Variants in DLC1 observed in about 807,000 individuals in gnomAD.
DLC1 encodes rho GTPase-activating protein 7.
A neutral mutation model predicts 140.3 loss-of-function variants in DLC1; 54 were observed. The observed-to-expected ratio is 0.38, with a 90% confidence interval of 0.31 to 0.48. DLC1 has a LOEUF of 0.48. DLC1 is among the 20% of genes least tolerant of loss of function. The pLI is 0.96. For missense variants in DLC1, 2,536 were observed against 1,907.0 expected, an observed-to-expected ratio of 1.33 and a Z score of -6.14; for synonymous variants, 986 against 728.1, an observed-to-expected ratio of 1.35 and a Z score of -5.70.
intron 4 of DLC1, among the ~76,000 whole-genome samples, chr8:13,380,096 C>T: frequency 6.6e-6 from 1 of 152,120 alleles, no homozygotes; most frequent in East Asian, 1.9e-4. Context: ...TCCTCACCAC[C>T]ACTCCCATAA....
intron 5 of DLC1, among the ~76,000 whole-genome samples, chr8:13,242,024 A>T (rs1829565478): frequency 6.6e-6 from 1 of 152,178 alleles, no homozygotes. Context: ...AGGATTATCT[A>T]ACTCAGTGGT....
At position 13,099,840 on chromosome 8, in the gene DLC1, T is replaced by C; in HGVS notation, c.2497A>G (p.Asn833Asp). The part of the protein sequence containing the change: ...TNGSFSPSGN[N>D]GSVNWRTGSF... ...CCCGTCCTCCAGTTCACAGAGCCGT[T>C]ATTCCCCGAGGGGGAGAAACTGCCA... is the stretch of plus-strand genomic sequence containing the variant. The change falls in exon 9 of 18, where the codon AAC becomes GAC. Residue 833 changes from asparagine (N) to aspartate (D), a missense_variant. Coordinates refer to ENST00000276297, the MANE Select transcript of DLC1 (RefSeq NM_182643.3). 2 of 1,614,166 alleles carry C rather than the reference T, an allele frequency of 1.2e-6. No homozygotes were observed. Among genetic ancestry groups the C allele is most frequent in the African/African-American group, 1.3e-5 (1 of 75,044 alleles).
chr8:13,230,855 C>A (rs1250306815), intron 5 of DLC1, among the ~76,000 whole-genome samples: 1 of 152,064 alleles, frequency 6.6e-6, no homozygotes, highest in African/African-American at 2.4e-5. Flanking sequence ...CCTCGGCCTC[C>A]CAAAGTGCTG....
At chr8:13,595,877 C>G (rs553682725) in intron 1 of DLC1, among the ~76,000 whole-genome samples, 2 of 151,988 alleles carry the variant, frequency 1.3e-5, no homozygotes, top group South Asian at 4.2e-4. Flanking sequence ...TTGTAGGCAG[C>G]CTATGATAAT....
chr8:13,236,141 G>T (rs1158372388), intron 5 of DLC1, among the ~76,000 whole-genome samples: 2 of 151,958 alleles, frequency 1.3e-5, no homozygotes, highest in East Asian at 1.9e-4. Flanking sequence ...AATACTGAAG[G>T]TAGAATCTAT....
intron 5 of DLC1, among the ~76,000 whole-genome samples, chr8:13,181,898 C>T (rs534245965): frequency 8.5e-5 from 13 of 152,196 alleles, no homozygotes; most frequent in African/African-American, 2.4e-4. Context: ...TCTAGATCCT[C>T]GAGGAATCAC....
intron 5 of DLC1, among the ~76,000 whole-genome samples, chr8:13,207,879 T>G (rs1827750404): frequency 6.6e-6 from 1 of 152,184 alleles, no homozygotes; most frequent in Non-Finnish European, 1.5e-5. Context: ...CTTTAGTGAT[T>G]ATGATATACA....
intron 4 of DLC1, among the ~76,000 whole-genome samples, chr8:13,356,579 A>C (rs1834952922): frequency 6.6e-6 from 1 of 152,208 alleles, no homozygotes; most frequent in Admixed American, 6.5e-5. Context: ...GAATTTTTCC[A>C]AATGATTGCA....
At chr8:13,532,337 T>C (rs143465585) in intron 1 of DLC1, among the ~76,000 whole-genome samples, 1 of 152,338 alleles carries the variant, frequency 6.6e-6, no homozygotes, top group African/African-American at 2.4e-5. Flanking sequence ...TTCTTTTACC[T>C]GTCTCTTCCT....
At chr8:13,125,336 A>G (rs997819377) in intron 5 of DLC1, among the ~76,000 whole-genome samples, 1 of 152,202 alleles carries the variant, frequency 6.6e-6, no homozygotes, top group African/African-American at 2.4e-5. Flanking sequence ...TATTCATATC[A>G]TAGACAACAC....
intron 4 of DLC1, among the ~76,000 whole-genome samples, chr8:13,316,482 A>T (rs1032883299): frequency 6.6e-6 from 1 of 152,102 alleles, no homozygotes; most frequent in Non-Finnish European, 1.5e-5. Flanking sequence ...AAAGTGTCCC[A>T]GTCTGGATGA....
At chr8:13,304,513 G>A (rs1832336919) in intron 5 of DLC1, 1 of 303,484 alleles carries the variant, frequency 3.3e-6, no homozygotes, top group Non-Finnish European at 4.8e-6. Context: ...TAGTGTAAAG[G>A]CACTTGAAAT....
intron 5 of DLC1, among the ~76,000 whole-genome samples, chr8:13,155,489 A>T (rs1364028046): frequency 2.6e-5 from 4 of 152,060 alleles, no homozygotes; most frequent in African/African-American, 4.8e-5. Context: ...TATTTTTTTA[A>T]AAAAACATGT....
At chr8:13,196,807 TC>T (rs1827087179) in intron 5 of DLC1, among the ~76,000 whole-genome samples, 1 of 152,210 alleles carries the variant, frequency 6.6e-6, no homozygotes, top group Admixed American at 6.5e-5. Flanking sequence ...TCAATTATAA[TC>T]ATGGCTTCAA....
Position 13,084,088 on chromosome 8 carries a change from A to C in DLC1, c.*1723T>G, listed in dbSNP as rs1262490690. 2 of 152,640 alleles carry C rather than the reference A, an allele frequency of 1.3e-5. No individual in the cohort carries two copies. The highest frequency in any genetic ancestry group is 6.5e-5 in the Admixed American group (1 of 15,288). 9.5% of individuals were successfully genotyped at this position (152,640 alleles called of 1,614,324 possible). A position where few individuals can be genotyped will look rare whatever the true frequency, so the allele number is the denominator to read the frequency against. On this transcript the variant is annotated 3_prime_UTR_variant, in exon 18 of 18. Coordinates refer to ENST00000276297, the MANE Select transcript of DLC1 (RefSeq NM_182643.3). The stretch of plus-strand genomic sequence containing the variant: ...AGCCTTGAGGTACAAAACCCAAAAG[A>C]ATATCTGAGGTATAAATACAAGTAT...
intron 5 of DLC1, among the ~76,000 whole-genome samples, chr8:13,208,747 C>G (rs1440861190): frequency 3.1e-5 from 1 of 32,204 alleles, no homozygotes; most frequent in Non-Finnish European, 4.8e-5. Flanking sequence ...TACACACAGA[C>G]ACACACACAC....
intron 1 of DLC1, among the ~76,000 whole-genome samples, chr8:13,513,454 T>C (rs964329310): frequency 2.0e-5 from 3 of 152,246 alleles, no homozygotes; most frequent in African/African-American, 7.2e-5. Context: ...GATGGTCACC[T>C]TGTACTATAT....
At chr8:13,486,698 T>C (rs1403943219) in intron 2 of DLC1, among the ~76,000 whole-genome samples, 1 of 148,152 alleles carries the variant, frequency 6.7e-6, no homozygotes, top group Non-Finnish European at 1.5e-5. Context: ...TTCTGGGTGT[T>C]TCATCCATAT....
At chr8:13,175,677 C>G (rs1249088386) in intron 5 of DLC1, among the ~76,000 whole-genome samples, 2 of 152,170 alleles carry the variant, frequency 1.3e-5, no homozygotes, top group Non-Finnish European at 2.9e-5. Context: ...ATACAATTAA[C>G]TAATAGACCG....
Sources: gnomAD v4.1 joint callset for allele counts (sites outside exome capture counted in the v4.1 genomes callset) on GRCh38, gnomAD v4.1.1 for gene constraint, MANE v1.5 for transcripts, NCBI Gene and HGNC (gene_info 2026-07-23, HGNC 2026-07-21) for gene names.